The following CD6 variants were observed in gnomAD, a reference collection of about 807,000 sequenced individuals.
The protein encoded by CD6 is T-cell differentiation antigen CD6.
In CD6, 53 loss-of-function variants were observed where a neutral mutation model predicts 75.3. The ratio of observed to expected loss-of-function variants is 0.70; its 90% CI spans 0.56 to 0.88. The LOEUF (loss-of-function observed/expected upper bound fraction) is 0.88. Ranked by LOEUF, CD6 falls within the 40% of genes least tolerant of loss-of-function variation. The pLI, the probability that CD6 is intolerant of heterozygous loss-of-function variation, is 0.00. For synonymous variants in CD6, 359 were observed against 381.5 expected (o/e 0.94, Z 0.69); for missense variants, 770 against 897.1 (o/e 0.86, Z 1.81).
rs1231994514 is a variant in CD6 at position 61,007,053 on chromosome 11, A to G, written c.118+411A>G. ...GGTTCCCATAGAAGGGGTTCTGGGG[A>G]AGTGAGGACCACCATCAGCTGAAGC... On this transcript the variant is annotated intron_variant, in intron 2 of 12. Coordinates refer to ENST00000313421, the MANE Select transcript of CD6 (RefSeq NM_006725.5). This position sits in a 1 kb window ranked among gnomAD's most constrained non-coding sequence, Gnocchi z 4.2. 1.3e-5 allele frequency among the ~76,000 whole-genome samples: 2 copies of G among 151,996 alleles called. No homozygotes were observed. The highest frequency in any genetic ancestry group is 2.9e-5 in the Non-Finnish European group (2 of 67,984).
rs558319060 is a variant in CD6 at position 61,006,661 on chromosome 11, TG to T, written c.118+24del. The T allele has an allele frequency of 1.8e-5, 28 of 1,590,828 alleles. No homozygotes were observed. Among genetic ancestry groups the T allele is most frequent in the Non-Finnish European group, 2.4e-5 (28 of 1,166,046 alleles). On this transcript the variant is annotated intron_variant, in intron 2 of 12. Transcript: ENST00000313421. ...GAGCCAGGTGAGCAAACATTCCCTCTGGGGGTCCATGATCAGCTTTCTGTAG... is the reference window on the plus strand; with the variant it reads ...GAGCCAGGTGAGCAAACATTCCCTCTGGGGTCCATGATCAGCTTTCTGTAG...
At chr11:60,980,319 A>G (rs1857513246) in intron 1 of CD6, among the ~76,000 whole-genome samples, 1 of 125,572 alleles carries the variant, frequency 8.0e-6, no homozygotes, top group Non-Finnish European at 1.8e-5. Flanking sequence ...CATAGGCAAC[A>G]TAGTGTGACC....
At chr11:60,972,946 T>G (rs1027808185) in intron 1 of CD6, among the ~76,000 whole-genome samples, 1 of 152,148 alleles carries the variant, frequency 6.6e-6, no homozygotes, top group Non-Finnish European at 1.5e-5. Context: ...GAACTGGAGT[T>G]TGTGTGCCTT....
intron 1 of CD6, among the ~76,000 whole-genome samples, chr11:60,981,749 T>C (rs933757372): frequency 1.3e-5 from 2 of 152,134 alleles, no homozygotes; most frequent in African/African-American, 4.8e-5. Context: ...TTTTGTAGGC[T>C]CCTGCAGCCC....
chr11:60,984,750 A>G lies in CD6; in HGVS notation c.49+12836A>G, dbSNP rs118170362. Among the ~76,000 whole-genome samples, 8 of 152,312 alleles carry G rather than the reference A, an allele frequency of 5.3e-5. No individual in the cohort carries two copies. The East Asian group carries it at 1.5e-3, about 29-fold the overall frequency. On this transcript the variant is annotated intron_variant, in intron 1 of 12. Coordinates refer to ENST00000313421, the MANE Select transcript of CD6 (RefSeq NM_006725.5). Reference sequence around the variant, plus strand: ...AGGCAGAACCTCGGAGGGGATATAGACCTGAGTGATGAGATGAGCTGGGAA... The same window carrying G: ...AGGCAGAACCTCGGAGGGGATATAGGCCTGAGTGATGAGATGAGCTGGGAA...
chr11:60,982,629 C>A, intron 1 of CD6: 1 of 456,056 alleles, frequency 2.2e-6, no homozygotes, highest in Non-Finnish European at 4.4e-6. Flanking sequence ...CTAAAGGATG[C>A]ACAGTTGCCA....
chr11:61,013,642 TC>T (rs1048779237), intron 7 of CD6, 79 bp downstream of exon 7: 1 of 1,505,822 alleles, frequency 6.6e-7, no homozygotes, highest in African/African-American at 1.4e-5. Context: ...AGTGGCGTGG[TC>T]CAGCAATGAC....
chr11:60,975,280 G>GGGTA, intron 1 of CD6, among the ~76,000 whole-genome samples: 1 of 152,292 alleles, frequency 6.6e-6, no homozygotes, highest in African/African-American at 2.4e-5. Context: ...CTATTCCATA[G>GGGTA]GGTAGCCCCT....
At chr11:61,000,506 G>A (rs911050992) in intron 1 of CD6, among the ~76,000 whole-genome samples, 10 of 152,102 alleles carry the variant, frequency 6.6e-5, no homozygotes, top group Non-Finnish European at 1.3e-4. Context: ...TGACAGTGCC[G>A]GAGGACAGAA....
chr11:60,973,912 C>T (rs955685910), intron 1 of CD6, among the ~76,000 whole-genome samples: 3 of 152,252 alleles, frequency 2.0e-5, no homozygotes, highest in East Asian at 1.9e-4. Context: ...TGCCCCTCTC[C>T]GGGGCTGATG....
Position 61,013,988 on chromosome 11 carries a change from C to T in CD6, c.1361C>T (p.Pro454Leu), listed in dbSNP as rs373128989. The T allele has an allele frequency of 3.3e-5, 53 of 1,613,464 alleles. No individual in the cohort carries two copies. The highest frequency in any genetic ancestry group is 3.8e-5 in the Non-Finnish European group (45 of 1,179,786). Reference protein sequence around the residue: ...TIPAGSNSYQPVPITIPKEVF... With the variant: ...TIPAGSNSYQLVPITIPKEVF... The stretch of plus-strand genomic sequence containing the variant: ...CCGGCAGGGAGCAATAGCTATCAAC[C>T]GGTCCCCATCACCATCCCCAAAGAA... Residue 454 changes from proline to leucine, a missense_variant, in exon 8 of 13, where the codon CCG becomes CTG. Coordinates refer to ENST00000313421, the MANE Select transcript of CD6 (RefSeq NM_006725.5).
intron 1 of CD6, among the ~76,000 whole-genome samples, chr11:61,001,642 A>G (rs1187325999): frequency 2.6e-5 from 4 of 152,104 alleles, no homozygotes; most frequent in African/African-American, 9.7e-5. Context: ...CAACATACAT[A>G]CCTAATTTTA....
chr11:60,987,484 G>T (rs1857866131), intron 1 of CD6, among the ~76,000 whole-genome samples: 2 of 152,158 alleles, frequency 1.3e-5, no homozygotes, highest in Non-Finnish European at 2.9e-5. Flanking sequence ...GTTTTAAGAG[G>T]AGGGGAACAA....
At chr11:61,010,580 G>A (rs1405222775) in intron 5 of CD6, among the ~76,000 whole-genome samples, 5 of 152,158 alleles carry the variant, frequency 3.3e-5, no homozygotes, top group Admixed American at 6.6e-5. Context: ...GGAGGCTTCC[G>A]ACAGTCCCTT....
intron 1 of CD6, among the ~76,000 whole-genome samples, chr11:60,996,610 A>G (rs900341107): frequency 6.6e-6 from 1 of 152,216 alleles, no homozygotes; most frequent in South Asian, 2.1e-4. Flanking sequence ...GCCAGTCTTC[A>G]TACACAAGAT....
intron 1 of CD6, among the ~76,000 whole-genome samples, chr11:60,979,459 G>C (rs964829355): frequency 3.3e-5 from 5 of 149,566 alleles, no homozygotes; most frequent in Admixed American, 6.6e-5. Flanking sequence ...ATTTTGTTTT[G>C]TTTTCTTTTT....
rs1048375387 is a variant in CD6, at chr11:61,010,289, G to A, written c.1084+415G>A. Among the ~76,000 whole-genome samples the A allele has an allele frequency of 2.0e-5, 3 of 152,166 alleles. No individual in the cohort carries two copies. In the East Asian group the frequency reaches 5.8e-4, roughly 29 times the overall value. ...GCACTAAGTAGCTCTTATTTCAGCT[G>A]AGCCTCATACCCACTCTATGAGTTG... On this transcript the variant is annotated intron_variant, in intron 5 of 12. Coordinates refer to ENST00000313421, the MANE Select transcript of CD6 (RefSeq NM_006725.5).
intron 6 of CD6, among the ~76,000 whole-genome samples, chr11:61,012,738 T>C (rs1859207905): frequency 6.6e-6 from 1 of 152,080 alleles, no homozygotes; most frequent in South Asian, 2.1e-4. Context: ...GGGCAAGAAG[T>C]CACCCCTGAG....
chr11:61,003,600 G>C (rs1858703205), intron 1 of CD6, among the ~76,000 whole-genome samples: 1 of 152,116 alleles, frequency 6.6e-6, no homozygotes, highest in Non-Finnish European at 1.5e-5. Flanking sequence ...CCAGCATCGT[G>C]GCAAGCGCCT....
Sources: allele counts gnomAD v4.1 joint callset (sites outside exome capture counted in the v4.1 genomes callset), GRCh38; gene constraint gnomAD v4.1.1; non-coding constraint Gnocchi (gnomAD v3.1); transcripts MANE v1.5; gene names NCBI Gene and HGNC (gene_info 2026-07-23, HGNC 2026-07-21).